The following KIF26B variants were observed in gnomAD, a reference collection of about 807,000 sequenced individuals.
KIF26B encodes kinesin-like protein KIF26B.
A neutral mutation model predicts 151.2 loss-of-function variants in KIF26B; 63 were observed. That is an observed-to-expected ratio of 0.42 (90% CI 0.34 to 0.51). The LOEUF (loss-of-function observed/expected upper bound fraction) is 0.51. Among genes scored for constraint, KIF26B ranks in the 20% least tolerant of loss-of-function variants. KIF26B has a pLI of 0.07. For synonymous variants in KIF26B, 1,357 were observed against 1,262.1 expected, an observed-to-expected ratio of 1.08 and a Z score of -1.59; for missense variants, 2,813 against 2,913.6, an observed-to-expected ratio of 0.97 and a Z score of 0.79.
chr1:245,434,047 G>C (rs762530452), intron 4 of KIF26B, among the ~76,000 whole-genome samples: 5 of 151,964 alleles, frequency 3.3e-5, no homozygotes, highest in Non-Finnish European at 5.9e-5. Context: ...CAGTCTTTTT[G>C]GTGCTTCAGA....
chr1:245,156,258 G>C, intron 1 of KIF26B, 24 bp from the exon 2 acceptor site: 1 of 1,542,108 alleles, frequency 6.5e-7, no homozygotes, highest in Non-Finnish European at 8.7e-7. Flanking sequence ...TGCAGCCCCT[G>C]ACACCGGCGT....
At chr1:245,230,186 A>C (rs1669966750) in intron 2 of KIF26B, among the ~76,000 whole-genome samples, 1 of 151,748 alleles carries the variant, frequency 6.6e-6, no homozygotes, top group Admixed American at 6.6e-5. Context: ...CTCAGAACCC[A>C]CACCTACAGT....
intron 3 of KIF26B, among the ~76,000 whole-genome samples, chr1:245,389,740 T>C (rs1572037721): frequency 6.6e-6 from 1 of 152,218 alleles, no homozygotes; most frequent in East Asian, 1.9e-4. Flanking sequence ...TTAAATTAAA[T>C]GGTACATGCG....
chr1:245,684,613 T>TG (rs1368205540), intron 11 of KIF26B, among the ~76,000 whole-genome samples: 1 of 152,206 alleles, frequency 6.6e-6, no homozygotes, highest in African/African-American at 2.4e-5. Context: ...GTGCTGGCCC[T>TG]GGTCACCCAG....
chr1:245,359,022 C>CT (rs544907561), intron 2 of KIF26B, among the ~76,000 whole-genome samples: 45 of 147,378 alleles, frequency 3.1e-4, no homozygotes, highest in East Asian at 7.9e-4. Flanking sequence ...GTTTCTCTCT[C>CT]TTTTTTTTTT....
At chr1:245,275,961 C>T (rs1670928530) in intron 2 of KIF26B, among the ~76,000 whole-genome samples, 1 of 152,148 alleles carries the variant, frequency 6.6e-6, no homozygotes, top group Admixed American at 6.5e-5. Flanking sequence ...TTGCTTCTTG[C>T]ATGCAAGGTT....
chr1:245,210,196 G>A (rs1366226135), intron 2 of KIF26B, among the ~76,000 whole-genome samples: 3 of 152,144 alleles, frequency 2.0e-5, no homozygotes, highest in East Asian at 1.9e-4. Context: ...CCAAGGCCCC[G>A]CAGCTGCAGC....
At chr1:245,316,140 A>AT (rs71299015) in intron 2 of KIF26B, among the ~76,000 whole-genome samples, 9,037 of 141,492 alleles carry the variant, frequency 0.064, 305 homozygotes, top group Middle Eastern at 0.12. Flanking sequence ...GGCTGCTTCT[A>AT]TTTTTTTTTT....
chr1:245,344,924 C>G (rs1219330900), intron 2 of KIF26B, among the ~76,000 whole-genome samples: 1 of 152,048 alleles, frequency 6.6e-6, no homozygotes, highest in Non-Finnish European at 1.5e-5. Context: ...TATCCCCCGG[C>G]TTCAGTTGAG....
At chr1:245,545,100 CA>C (rs1661709784) in intron 5 of KIF26B, among the ~76,000 whole-genome samples, 2 of 129,140 alleles carry the variant, frequency 1.5e-5, no homozygotes, top group Non-Finnish European at 3.2e-5. Context: ...TGATACACAG[CA>C]ATTTTTTTTT....
chr1:245,192,210 C>T (rs1184913248), intron 2 of KIF26B, among the ~76,000 whole-genome samples: 1 of 152,008 alleles, frequency 6.6e-6, no homozygotes, highest in African/African-American at 2.4e-5. Context: ...TGTGTGGTCT[C>T]TTAAAATAAC....
Position 245,156,571 on chromosome 1 carries a change from G to A in KIF26B, c.353G>A (p.Gly118Asp). Residue 118 changes from glycine (G) to aspartate (D), a missense_variant, in exon 2 of 15, where the codon GGC becomes GAC. Physicochemically the swap from Gly to Asp is moderately conservative, Grantham distance 94. This residue lies in a region of KIF26B where 676 missense variants were observed against 688.1 expected (regional missense o/e 0.98). Coordinates refer to ENST00000407071, the MANE Select transcript of KIF26B (RefSeq NM_018012.4). ...TCCCCGGGCTCCGGCAGCGGCGGCG[G>A]CTCCTCCCCCGGCTCGGACCGCGGC... ...TGSPGSGSGG[G>D]SSPGSDRGVW... 1 of 1,530,828 alleles carries A rather than the reference G, an allele frequency of 6.5e-7. No homozygotes were observed. The highest frequency in any genetic ancestry group is 8.7e-7 in the Non-Finnish European group (1 of 1,145,118). The allele number at this position is 1,530,828 out of a possible 1,614,324, so 94.8% of individuals were successfully genotyped here. A position where few individuals can be genotyped will look rare whatever the true frequency, so the allele number is the denominator to read the frequency against.
At chr1:245,649,585 C>T (rs1176125104) in intron 10 of KIF26B, among the ~76,000 whole-genome samples, 1 of 152,164 alleles carries the variant, frequency 6.6e-6, no homozygotes, top group Non-Finnish European at 1.5e-5. Context: ...AAGTTTCCTG[C>T]CCTTGAGGTT....
intron 4 of KIF26B, among the ~76,000 whole-genome samples, chr1:245,506,883 T>C (rs987799551): frequency 3.9e-5 from 6 of 152,220 alleles, no homozygotes; most frequent in African/African-American, 1.4e-4. Context: ...TTTCACCATG[T>C]TGACCAGGCT....
chr1:245,675,178 C>T (rs569779481), intron 10 of KIF26B, among the ~76,000 whole-genome samples: 10 of 152,304 alleles, frequency 6.6e-5, no homozygotes, highest in South Asian at 4.2e-4. Context: ...ATTACCTTCC[C>T]GGCATCCGTG....
Position 245,705,763 on chromosome 1 carries a change from C to T in KIF26B, c.*3157C>T, listed in dbSNP as rs994084362. The T allele has an allele frequency of 2.0e-5, 3 of 152,154 alleles. No individual in the cohort carries two copies. The highest frequency in any genetic ancestry group is 6.5e-5 in the Admixed American group (1 of 15,284). The allele number at this position is 152,154 out of a possible 1,614,324, so 9.4% of individuals were successfully genotyped here. A position where few individuals can be genotyped will look rare whatever the true frequency, so the allele number is the denominator to read the frequency against. On this transcript the variant is annotated 3_prime_UTR_variant, in exon 15 of 15. Coordinates refer to ENST00000407071, the MANE Select transcript of KIF26B (RefSeq NM_018012.4). ...TGTGTCCCTGGGAGTCACTCCACGT[C>T]GCATTGCACGGTGGTGCTGAGGAGC... is the stretch of plus-strand genomic sequence containing the variant.
rs75822623 is a variant in KIF26B, at chr1:245,316,640, C to T, written c.466-50194C>T. ...TCCTATTCCTGCATTTATAAAGTAA[C>T]AATTCATTTATCCTTGCCAGCTGTC... On this transcript the variant is annotated intron_variant, in intron 2 of 14. Transcript: ENST00000407071. 2.8e-3 allele frequency among the ~76,000 whole-genome samples: 426 copies of T among 152,106 alleles called. 1 individual carries two copies. The highest frequency in any genetic ancestry group is 9.6e-3 in the African/African-American group (398 of 41,512).
intron 2 of KIF26B, among the ~76,000 whole-genome samples, chr1:245,355,232 C>CT (rs566263377): frequency 1.3e-3 from 202 of 152,192 alleles, no homozygotes; most frequent in African/African-American, 4.5e-3. Flanking sequence ...GCCAGTGATT[C>CT]TTTTTTCAGG....
rs532598127 is a variant in KIF26B, at chr1:245,414,756, A to G, written c.1000-4823A>G. Among the ~76,000 whole-genome samples, 32 of 152,320 alleles carry G rather than the reference A, an allele frequency of 2.1e-4. No individual in the cohort carries two copies. The South Asian group carries it at 6.4e-3, about 31-fold the overall frequency. ...ACACACAGACACACGCTCTTATTTT[A>G]GAGAAGGGACAGAACATTTGTCTCT... On this transcript the variant is annotated intron_variant, in intron 3 of 14. Transcript: ENST00000407071.
Sources: gnomAD v4.1 joint callset for allele counts (sites outside exome capture counted in the v4.1 genomes callset) on GRCh38, gnomAD v4.1.1 for gene constraint, gnomAD v4.1.1 regional missense constraint, MANE v1.5 for transcripts, NCBI Gene and HGNC (gene_info 2026-07-23, HGNC 2026-07-21) for gene names.